NPLOC4: variants seen among roughly 807,000 people sequenced by gnomAD.
NPLOC4 encodes nuclear protein localization protein 4 homolog.
Under a neutral mutation model 80.6 loss-of-function variants are expected in NPLOC4, and 18 were observed. The ratio of observed to expected loss-of-function variants is 0.22; its 90% CI spans 0.15 to 0.33. The LOEUF (loss-of-function observed/expected upper bound fraction) is 0.33, where lower values mean the gene tolerates loss of function less well. Ranked by LOEUF, NPLOC4 falls within the 10% of genes least tolerant of loss-of-function variation. NPLOC4 has a pLI of 1.00. For missense variants in NPLOC4, 540 were observed against 786.1 expected (o/e 0.69, Z 3.74); for synonymous variants, 313 against 301.5 (o/e 1.04, Z -0.39).
intron 12 of NPLOC4, among the ~76,000 whole-genome samples, chr17:81,583,107 C>T (rs1220659940): frequency 6.6e-6 from 1 of 152,272 alleles, no homozygotes; most frequent in African/African-American, 2.4e-5. Context: ...TTAAACTCTT[C>T]TTCCTAATTA....
In NPLOC4 at chr17:81,622,241, G is replaced by A. The variant is rs773065024; in HGVS notation, c.134C>T (p.Ser45Leu). Residue 45 changes from serine to leucine, a missense_variant, in exon 3 of 17, where the codon TCG becomes TTG. Physicochemically the swap from Ser to Leu is moderately radical, Grantham distance 145. This residue lies in a region of NPLOC4 where 62 missense variants were observed against 84.4 expected (regional missense o/e 0.73). Coordinates refer to ENST00000331134, the MANE Select transcript of NPLOC4 (RefSeq NM_017921.4). ...GGTCTTGTTTCTATTGATGTAAACC[G>A]AGAAGCCATTATTTTGGAAGCCAAA... is the stretch of plus-strand genomic sequence containing the variant. ...KEFGFQNNGF[S>L]VYINRNKTGE... The A allele has an allele frequency of 3.1e-6, 5 of 1,613,796 alleles. No individual in the cohort carries two copies. Among genetic ancestry groups the A allele is most frequent in the East Asian group, 2.2e-5 (1 of 44,878 alleles).
At chr17:81,628,152 A>G (rs2035845219) in intron 2 of NPLOC4, among the ~76,000 whole-genome samples, 1 of 151,742 alleles carries the variant, frequency 6.6e-6, no homozygotes, top group Admixed American at 6.6e-5. Flanking sequence ...CGGAGCTTGC[A>G]GTGAGCCAAG....
intron 3 of NPLOC4, among the ~76,000 whole-genome samples, chr17:81,616,317 T>A: frequency 6.4e-5 from 2 of 31,084 alleles, no homozygotes; most frequent in Admixed American, 4.4e-4. Flanking sequence ...CAAGACTCTG[T>A]CTCAAAAAAA....
chr17:81,559,340 G>A lies in NPLOC4; in HGVS notation c.1746C>T (p.Ala582=). The stretch of plus-strand genomic sequence containing the variant: ...ACGTGCAGTGCTGACAGGCCCACAT[G>A]GCTGCAGTGGCCGTGTGTGTGGAGC... ...VGGSTHTATA[A]MWACQHCTFM... Residue 582 remains alanine, a synonymous_variant, in exon 17 of 17, where the codon GCC becomes GCT. Transcript: ENST00000331134. The A allele has an allele frequency of 6.2e-7, 1 of 1,606,990 alleles. No individual in the cohort carries two copies.
At chr17:81,616,666 C>T (rs1438972004) in intron 3 of NPLOC4, among the ~76,000 whole-genome samples, 5 of 151,388 alleles carry the variant, frequency 3.3e-5, no homozygotes, top group Non-Finnish European at 7.4e-5. Flanking sequence ...GGGGGCGGAG[C>T]TTGCAGTGAG....
intron 3 of NPLOC4, among the ~76,000 whole-genome samples, chr17:81,619,376 C>CAAAAA (rs1171147518): frequency 1.3e-5 from 2 of 148,154 alleles, no homozygotes; most frequent in Non-Finnish European, 3.0e-5. Context: ...GACTCCGTCT[C>CAAAAA]AAAAAACAAA....
intron 5 of NPLOC4, 61 bp downstream of exon 5, chr17:81,610,149 G>T (rs1403503792): frequency 6.8e-7 from 1 of 1,478,088 alleles, no homozygotes; most frequent in Non-Finnish European, 9.3e-7. Context: ...AAGCACTTAA[G>T]ACAGCTGTCT....
chr17:81,601,668 G>A (rs1043389020), intron 8 of NPLOC4, among the ~76,000 whole-genome samples: 4 of 152,142 alleles, frequency 2.6e-5, no homozygotes, highest in African/African-American at 9.7e-5. Flanking sequence ...ACAGCACAGT[G>A]ACCTAAGGGT....
rs527531355 is a variant in NPLOC4, at chr17:81,616,040, C to G, written c.210-2546G>C. Among the ~76,000 whole-genome samples, 27 of 152,236 alleles carry G rather than the reference C, an allele frequency of 1.8e-4. No individual in the cohort carries two copies. The East Asian group carries it at 4.6e-3, about 26-fold the overall frequency. On this transcript the variant is annotated intron_variant, in intron 3 of 16. Coordinates refer to ENST00000331134, the MANE Select transcript of NPLOC4 (RefSeq NM_017921.4). ...TGTAGAAAAGCTGCTAAATCTGGGC[C>G]GGGCGTGGTGGCTCACGCCTGTAAT...
intron 4 of NPLOC4, 167 bp downstream of exon 4, chr17:81,613,151 A>C (rs1362014921): frequency 3.7e-6 from 2 of 544,066 alleles, no homozygotes; most frequent in Non-Finnish European, 5.7e-6. Context: ...AAAAACCGAT[A>C]AAAAGCTAAC....
intron 14 of NPLOC4, among the ~76,000 whole-genome samples, chr17:81,568,552 C>T (rs1345610890): frequency 2.6e-5 from 4 of 152,120 alleles, no homozygotes; most frequent in South Asian, 4.1e-4. Flanking sequence ...GACAGCAAAT[C>T]GGACCTGGCC....
At chr17:81,573,961 T>C (rs1158147143) in intron 12 of NPLOC4, among the ~76,000 whole-genome samples, 2 of 152,236 alleles carry the variant, frequency 1.3e-5, no homozygotes, top group African/African-American at 4.8e-5. Context: ...CAGGATGGGC[T>C]TCCGCATTCT....
In NPLOC4 at chr17:81,627,340, C is replaced by T. The variant is rs559747279; in HGVS notation, c.96+2385G>A. ...CTGGGAGGCAGAGCTTGCAGTGAGCCGAGATCGCGCCACTGCATTCCAGCC... is the reference window on the plus strand; with the variant it reads ...CTGGGAGGCAGAGCTTGCAGTGAGCTGAGATCGCGCCACTGCATTCCAGCC... On this transcript the variant is annotated intron_variant, in intron 2 of 16. Coordinates refer to ENST00000331134, the MANE Select transcript of NPLOC4 (RefSeq NM_017921.4). Among the ~76,000 whole-genome samples the T allele has an allele frequency of 2.3e-4, 35 of 149,908 alleles. No homozygotes were observed. In the East Asian group the frequency reaches 2.4e-3, roughly 10 times the overall value.
In NPLOC4 at chr17:81,592,805, G is replaced by A. The variant is rs9907417; in HGVS notation, c.1120+3311C>T. ...TCGAGACCAGCCTGGCCAACATGGT[G>A]AAACCCCGTCTCTACAAAAAATACA... On this transcript the variant is annotated intron_variant, in intron 11 of 16. Coordinates refer to ENST00000331134, the MANE Select transcript of NPLOC4 (RefSeq NM_017921.4). 1.6e-3 allele frequency among the ~76,000 whole-genome samples: 249 copies of A among 152,260 alleles called. 1 individual carries two copies. Among genetic ancestry groups the A allele is most frequent in the African/African-American group, 5.7e-3 (235 of 41,544 alleles).
chr17:81,588,800 T>A, intron 12 of NPLOC4, 144 bp downstream of exon 12: 2 of 669,084 alleles, frequency 3.0e-6, no homozygotes, highest in Non-Finnish European at 2.5e-6. Context: ...CCCAGAAACG[T>A]GACAGAAGCC....
Position 81,620,490 on chromosome 17 carries a change from C to T in NPLOC4, c.209+1676G>A, listed in dbSNP as rs1253110375. The stretch of plus-strand genomic sequence containing the variant: ...CAGCCTGGGCGACAGAGCGAGACTC[C>T]GTCTCAAAAAAAATAAATAAATAAA... On this transcript the variant is annotated intron_variant, in intron 3 of 16. Coordinates refer to ENST00000331134, the MANE Select transcript of NPLOC4 (RefSeq NM_017921.4). Among the ~76,000 whole-genome samples the T allele has an allele frequency of 2.6e-5, 4 of 151,306 alleles. No homozygotes were observed. In the East Asian group the frequency reaches 5.9e-4, roughly 22 times the overall value.
chr17:81,618,657 G>T (rs2144281061), intron 3 of NPLOC4, among the ~76,000 whole-genome samples: 1 of 151,184 alleles, frequency 6.6e-6, no homozygotes, highest in African/African-American at 2.4e-5. Context: ...GCCCCTACTG[G>T]GAAGTGAGGA....
intron 12 of NPLOC4, chr17:81,573,718 T>C (rs942654769): frequency 6.6e-5 from 10 of 152,242 alleles, no homozygotes; most frequent in African/African-American, 2.4e-4. Context: ...AACTTGCCTC[T>C]ACCCTCCCAG....
Position 81,559,371 on chromosome 17 carries a change from A to T in NPLOC4, c.1715T>A (p.Val572Asp). The T allele has an allele frequency of 2.5e-6, 4 of 1,609,394 alleles. No individual in the cohort carries two copies. Among genetic ancestry groups the T allele is most frequent in the Non-Finnish European group, 3.4e-6 (4 of 1,178,226 alleles). The change falls in exon 17 of 17, where the codon GTC becomes GAC. Residue 572 changes from valine to aspartate, a missense_variant. By Grantham distance (152) the Val-to-Asp change is radical (BLOSUM62 -3). Transcript: ENST00000331134. ...AGTGGCCGTGTGTGTGGAGCCCCCGACGGCGCCGTACTCATGGAGACCTGG... is the reference window on the plus strand; with the variant it reads ...AGTGGCCGTGTGTGTGGAGCCCCCGTCGGCGCCGTACTCATGGAGACCTGG... ...QLPGLHEYGA[V>D]GGSTHTATAA...
Sources: gnomAD v4.1 joint callset for allele counts (sites outside exome capture counted in the v4.1 genomes callset) on GRCh38, gnomAD v4.1.1 for gene constraint, gnomAD v4.1.1 regional missense constraint, MANE v1.5 for transcripts, NCBI Gene and HGNC (gene_info 2026-07-23, HGNC 2026-07-21) for gene names.